GPHN: variants seen among roughly 807,000 people sequenced by gnomAD.
The protein encoded by GPHN is gephyrin.
In GPHN, 17 loss-of-function variants were observed where a neutral mutation model predicts 95.5. The observed-to-expected ratio is 0.18, with a 90% confidence interval of 0.12 to 0.27. The LOEUF (loss-of-function observed/expected upper bound fraction) is 0.27. Ranked by LOEUF, GPHN falls within the 10% of genes least tolerant of loss-of-function variation. GPHN has a pLI of 1.00. For synonymous variants in GPHN, 320 were observed against 322.5 expected, an observed-to-expected ratio of 0.99 and a Z score of 0.08; for missense variants, 660 against 978.1, an observed-to-expected ratio of 0.67 and a Z score of 4.34.
chr14:67,702,156 A>T, the GPHN span, among the ~76,000 whole-genome samples: 561 of 151,912 alleles, frequency 3.7e-3, 4 homozygotes, highest in Middle Eastern at 0.034. Flanking sequence ...TTAAATGGAG[A>T]TGAGATCTCA....
chr14:67,304,525 G>A, the GPHN span, among the ~76,000 whole-genome samples: 4 of 152,156 alleles, frequency 2.6e-5, no homozygotes, highest in East Asian at 1.9e-4. Context: ...TATGCTGAGC[G>A]AAGGAAGCCA....
chr14:67,456,274 C>A, the GPHN span, among the ~76,000 whole-genome samples: 36 of 152,288 alleles, frequency 2.4e-4, no homozygotes, highest in Middle Eastern at 3.4e-3. Context: ...GAGATACCAT[C>A]TCATACGAGT....
chr14:67,208,304 C>T, the GPHN span: 39,092 of 1,613,928 alleles, frequency 0.024, 569 homozygotes, highest in Non-Finnish European at 0.028. Flanking sequence ...AAACATAACA[C>T]TGACTTTTGA....
At position 67,037,835 on chromosome 14, in the gene GPHN, C is replaced by G. The variant is rs527344383; in HGVS notation, c.1006+14160C>G. On this transcript the variant is annotated intron_variant, in intron 10 of 22. Coordinates refer to ENST00000478722, the MANE Select transcript of GPHN (RefSeq NM_020806.5). ...TGGTGATCATAGGGAGAAATTGGAA[C>G]CCTTGTGCCCTGTTGGTAGGTTTGT... 1.7e-4 allele frequency among the ~76,000 whole-genome samples: 25 copies of G among 151,270 alleles called. 1 individual carries two copies. In the South Asian group the frequency reaches 5.0e-3, roughly 30 times the overall value.
At chr14:66,738,763 T>C (rs1284892077) in intron 2 of GPHN, among the ~76,000 whole-genome samples, 3 of 152,132 alleles carry the variant, frequency 2.0e-5, no homozygotes, top group Non-Finnish European at 4.4e-5. Context: ...TTTCATAAAT[T>C]TAGAGCTCTG....
At chr14:67,297,247 T>C in the GPHN span, among the ~76,000 whole-genome samples, 1 of 152,296 alleles carries the variant, frequency 6.6e-6, no homozygotes, top group Non-Finnish European at 1.5e-5. Flanking sequence ...GCAGTACCAG[T>C]CAGTGCAATA....
the GPHN span, among the ~76,000 whole-genome samples, chr14:67,487,917 C>T: frequency 6.6e-6 from 1 of 152,152 alleles, no homozygotes. Context: ...AGCCACTGTG[C>T]CTGGCCAGCC....
At chr14:67,329,360 G>C in the GPHN span, among the ~76,000 whole-genome samples, 1 of 152,184 alleles carries the variant, frequency 6.6e-6, no homozygotes, top group African/African-American at 2.4e-5. Context: ...TTGCTTATCA[G>C]CTTAAGGAGA....
chr14:67,419,250 A>G, the GPHN span, among the ~76,000 whole-genome samples: 1 of 152,098 alleles, frequency 6.6e-6, no homozygotes, highest in Non-Finnish European at 1.5e-5. Context: ...ACCTTGGCCT[A>G]GGGATGTCTG....
At chr14:67,194,427 G>T in the GPHN span, among the ~76,000 whole-genome samples, 1 of 151,954 alleles carries the variant, frequency 6.6e-6, no homozygotes, top group East Asian at 1.9e-4. Context: ...AATATACGAT[G>T]ATGAGGGGGG....
At chr14:66,935,925 G>C (rs2067109266) in intron 8 of GPHN, among the ~76,000 whole-genome samples, 1 of 152,078 alleles carries the variant, frequency 6.6e-6, no homozygotes, top group Non-Finnish European at 1.5e-5. Context: ...TGGTAGTTAA[G>C]AACATGGAAC....
intron 5 of GPHN, among the ~76,000 whole-genome samples, chr14:66,890,816 A>C (rs2064450053): frequency 6.6e-6 from 1 of 151,650 alleles, no homozygotes; most frequent in Admixed American, 6.6e-5. Context: ...AAAAAAACCC[A>C]TGTGATCATT....
intron 5 of GPHN, among the ~76,000 whole-genome samples, chr14:66,912,753 T>G (rs761470819): frequency 1.1e-4 from 16 of 152,150 alleles, no homozygotes; most frequent in Non-Finnish European, 2.2e-4. Flanking sequence ...TAATGTACTT[T>G]TTAAGGAAAG....
At chr14:67,146,329 C>G (rs1052374822) in intron 18 of GPHN, among the ~76,000 whole-genome samples, 46 of 152,230 alleles carry the variant, frequency 3.0e-4, no homozygotes, top group Admixed American at 9.8e-4. Flanking sequence ...CCCTGCCCTA[C>G]ATACTCTTTT....
intron 2 of GPHN, among the ~76,000 whole-genome samples, chr14:66,736,588 C>T (rs894117587): frequency 1.4e-4 from 21 of 151,624 alleles, no homozygotes; most frequent in African/African-American, 1.5e-4. Context: ...TTAGTACAGA[C>T]GGGGTTTCAT....
At chr14:66,727,310 T>A (rs139836408) in intron 2 of GPHN, among the ~76,000 whole-genome samples, 3 of 152,286 alleles carry the variant, frequency 2.0e-5, no homozygotes, top group Non-Finnish European at 4.4e-5. Flanking sequence ...ATCAACAGCA[T>A]GAAAATGGAC....
At chr14:66,668,021 A>G (rs895391551) in intron 1 of GPHN, among the ~76,000 whole-genome samples, 10 of 152,246 alleles carry the variant, frequency 6.6e-5, no homozygotes, top group Non-Finnish European at 2.9e-5. Context: ...GCCAACAAAC[A>G]TATTTAGAAA....
chr14:67,594,648 C>CA, the GPHN span, among the ~76,000 whole-genome samples: 55 of 135,744 alleles, frequency 4.1e-4, no homozygotes, highest in East Asian at 1.1e-3. Flanking sequence ...TGAGACATCT[C>CA]AAAAAAAAAA....
At chr14:66,774,714 A>G (rs1259551232) in intron 2 of GPHN, among the ~76,000 whole-genome samples, 1 of 152,200 alleles carries the variant, frequency 6.6e-6, no homozygotes, top group Non-Finnish European at 1.5e-5. Flanking sequence ...ATCTGATTTT[A>G]TATATGATTT....
Sources: gnomAD v4.1 joint callset for allele counts (sites outside exome capture counted in the v4.1 genomes callset) on GRCh38, gnomAD v4.1.1 for gene constraint, MANE v1.5 for transcripts, NCBI Gene and HGNC (gene_info 2026-07-23, HGNC 2026-07-21) for gene names.